PLA2R1: variants seen among roughly 807,000 people sequenced by gnomAD.
PLA2R1 encodes the protein secretory phospholipase A2 receptor.
Under a neutral mutation model 195.9 loss-of-function variants are expected in PLA2R1, and 158 were observed. The ratio of observed to expected loss-of-function variants is 0.81; its 90% CI spans 0.71 to 0.92. The LOEUF is 0.92. PLA2R1 is among the 40% of genes least tolerant of loss of function. The pLI is 0.00. For synonymous variants in PLA2R1, 586 were observed against 598.2 expected (o/e 0.98, Z 0.30); for missense variants, 1,626 against 1,764.6 (o/e 0.92, Z 1.41).
At chr2:160,032,872 T>A in intron 4 of PLA2R1, 87 bp downstream of exon 4, 1 of 1,047,194 alleles carries the variant, frequency 9.5e-7, no homozygotes, top group Non-Finnish European at 1.4e-6. Flanking sequence ...AAGAACTTTT[T>A]GTCAGAATAT....
intron 3 of PLA2R1, among the ~76,000 whole-genome samples, chr2:160,036,776 T>C (rs964697454): frequency 2.0e-5 from 3 of 152,210 alleles, no homozygotes; most frequent in Non-Finnish European, 4.4e-5. Flanking sequence ...CCAGAATCTA[T>C]ACAACTGAAA....
At chr2:160,003,729 C>T (rs1370454264) in intron 11 of PLA2R1, among the ~76,000 whole-genome samples, 1 of 152,138 alleles carries the variant, frequency 6.6e-6, no homozygotes, top group Admixed American at 6.5e-5. Flanking sequence ...AAGATGTACA[C>T]TTTTAGGCCA....
rs1686842302 is a variant in PLA2R1, at chr2:159,936,503, A to G, written c.*5275T>C. On this transcript the variant is annotated 3_prime_UTR_variant, in exon 30 of 30. Transcript: ENST00000283243. ...TAGTATAAATCAAGGTTCAGCATCA[A>G]TTCTGTTCTCTCTCTTCTTTTTTTG... 6.6e-6 allele frequency: 1 copy of G among 152,136 alleles called. No homozygotes were observed. The highest frequency in any genetic ancestry group is 3.2e-3 in the Middle Eastern group (1 of 316). 9.4% of individuals were successfully genotyped at this position (152,136 alleles called of 1,614,324 possible).
At chr2:159,966,540 T>G (rs1574688792) in intron 20 of PLA2R1, among the ~76,000 whole-genome samples, 1 of 152,236 alleles carries the variant, frequency 6.6e-6, no homozygotes. Flanking sequence ...CTATATTGTG[T>G]GTATTTACCA....
At chr2:160,039,716 A>C (rs1336238192) in intron 3 of PLA2R1, among the ~76,000 whole-genome samples, 3 of 152,030 alleles carry the variant, frequency 2.0e-5, no homozygotes, top group Admixed American at 6.6e-5. Context: ...GAAAACTGGC[A>C]CTGAACAAAT....
At chr2:160,042,781 A>C (rs996385005) in intron 2 of PLA2R1, among the ~76,000 whole-genome samples, 1 of 149,246 alleles carries the variant, frequency 6.7e-6, no homozygotes, top group South Asian at 2.1e-4. Context: ...ATGAGAAGAC[A>C]GAGTGGGGTG....
chr2:160,045,251 G>A (rs1041137233), intron 1 of PLA2R1, 94 bp from the exon 2 acceptor site: 18 of 932,542 alleles, frequency 1.9e-5, no homozygotes, highest in Admixed American at 7.1e-5. Flanking sequence ...TGCGATATGC[G>A]ACAGTTGCCA....
chr2:159,987,048 A>C, intron 12 of PLA2R1, 108 bp downstream of exon 12: 1 of 747,374 alleles, frequency 1.3e-6, no homozygotes, highest in Non-Finnish European at 2.3e-6. Flanking sequence ...TCTGTCAGGC[A>C]CTGTTCTGGA....
intron 20 of PLA2R1, among the ~76,000 whole-genome samples, chr2:159,960,403 T>C (rs1160419828): frequency 6.6e-6 from 1 of 152,184 alleles, no homozygotes; most frequent in Non-Finnish European, 1.5e-5. Flanking sequence ...TGTCTGTTTT[T>C]CCTCACCACT....
In PLA2R1 at chr2:160,061,250, C is replaced by A. The variant is rs990644310; in HGVS notation, c.109+1045G>T. Among the ~76,000 whole-genome samples, 4 of 152,308 alleles carry A rather than the reference C, an allele frequency of 2.6e-5. No individual in the cohort carries two copies. The East Asian group carries it at 7.7e-4, about 29-fold the overall frequency. ...CTACTTGCATATATGGACTTCTGCA[C>A]TTAGGCGCAGGCTTCTCTGCCTGAG... On this transcript the variant is annotated intron_variant, in intron 1 of 29. Coordinates refer to ENST00000283243, the MANE Select transcript of PLA2R1 (RefSeq NM_007366.5).
intron 20 of PLA2R1, among the ~76,000 whole-genome samples, chr2:159,963,946 T>C (rs181671070): frequency 1.4e-4 from 22 of 152,274 alleles, no homozygotes; most frequent in Admixed American, 3.3e-4. Flanking sequence ...TGAAGCATTA[T>C]TCACAATAGT....
chr2:159,932,871 C>T lies in PLA2R1; in HGVS notation c.*8907G>A, dbSNP rs1686645952. ...TTTGAAAAATATCCAGGAACATATA[C>T]ATTGGATCTAATATAAATAAGAGAC... On this transcript the variant is annotated 3_prime_UTR_variant, in exon 30 of 30. Coordinates refer to ENST00000283243, the MANE Select transcript of PLA2R1 (RefSeq NM_007366.5). The T allele has an allele frequency of 6.6e-6, 1 of 151,984 alleles. No homozygotes were observed. The highest frequency in any genetic ancestry group is 2.4e-5 in the African/African-American group (1 of 41,398). 9.4% of individuals were successfully genotyped at this position (151,984 alleles called of 1,614,324 possible). A position where few individuals can be genotyped will look rare whatever the true frequency, so the allele number is the denominator to read the frequency against.
chr2:159,944,638 T>C (rs1687271534), intron 28 of PLA2R1, among the ~76,000 whole-genome samples: 1 of 152,164 alleles, frequency 6.6e-6, no homozygotes. Context: ...TGAGGGAAAA[T>C]GATTTTTTGC....
At chr2:159,990,767 T>C (rs1380331808) in intron 11 of PLA2R1, among the ~76,000 whole-genome samples, 1 of 152,210 alleles carries the variant, frequency 6.6e-6, no homozygotes, top group Admixed American at 6.5e-5. Flanking sequence ...CAGGCATTAG[T>C]GCCTGATTAT....
chr2:159,947,864 T>C (rs1687484053), intron 25 of PLA2R1, among the ~76,000 whole-genome samples: 1 of 151,532 alleles, frequency 6.6e-6, no homozygotes, highest in Admixed American at 6.6e-5. Context: ...TCCTAAAGGT[T>C]GGAACAAGCA....
At chr2:159,955,167 A>G in intron 23 of PLA2R1, 32 bp downstream of exon 23, 2 of 1,559,898 alleles carry the variant, frequency 1.3e-6, no homozygotes, top group Non-Finnish European at 1.8e-6. Context: ...GACTTTGGAA[A>G]TGAAAGGAAT....
At position 160,019,325 on chromosome 2, in the gene PLA2R1, C is replaced by T. The variant is rs1034227942; in HGVS notation, c.1452+781G>A. Among the ~76,000 whole-genome samples the T allele has an allele frequency of 5.3e-5, 8 of 152,320 alleles. No homozygotes were observed. The South Asian group carries it at 1.4e-3, about 28-fold the overall frequency. ...TCTTCCATCCCTCAGTTCTTCCCCT[C>T]ATCTTCATCACAGCAGTCAATGGCA... On this transcript the variant is annotated intron_variant, in intron 8 of 29. Coordinates refer to ENST00000283243, the MANE Select transcript of PLA2R1 (RefSeq NM_007366.5).
chr2:159,976,029 T>C (rs1412688516), intron 17 of PLA2R1, 39 bp downstream of exon 17: 2 of 1,516,474 alleles, frequency 1.3e-6, no homozygotes, highest in Non-Finnish European at 1.8e-6. Flanking sequence ...AAGAAGGTGC[T>C]AAACTCTGAA....
chr2:159,986,295 C>T (rs1377003274), intron 12 of PLA2R1, among the ~76,000 whole-genome samples: 1 of 152,030 alleles, frequency 6.6e-6, no homozygotes, highest in African/African-American at 2.4e-5. Context: ...CTGGTAAGTG[C>T]GATGCAAATA....
Sources: gnomAD v4.1 joint callset for allele counts (sites outside exome capture counted in the v4.1 genomes callset) on GRCh38, gnomAD v4.1.1 for gene constraint, MANE v1.5 for transcripts, NCBI Gene and HGNC (gene_info 2026-07-23, HGNC 2026-07-21) for gene names.